Variants in VKORC1L1 observed in about 807,000 individuals in gnomAD.
The protein encoded by VKORC1L1 is vitamin K epoxide reductase complex subunit 1L1.
VKORC1L1 carries 2 observed loss-of-function variants against 18.9 expected under a neutral mutation model. The ratio of observed to expected loss-of-function variants is 0.11; its 90% CI spans 0.04 to 0.33. The LOEUF is 0.33. Ranked by LOEUF, VKORC1L1 falls within the 10% of genes least tolerant of loss-of-function variation. The pLI is 1.00. For synonymous variants in VKORC1L1, 96 were observed against 100.0 expected (o/e 0.96, Z 0.24); for missense variants, 123 against 224.1 (o/e 0.55, Z 2.88).
chr7:65,909,453 A>C (rs921706912), intron 1 of VKORC1L1, among the ~76,000 whole-genome samples: 1 of 152,178 alleles, frequency 6.6e-6, no homozygotes, highest in Non-Finnish European at 1.5e-5. Flanking sequence ...TGTATCCACA[A>C]TAAAGCAAGT....
chr7:65,877,846 C>T (rs1788854704), intron 1 of VKORC1L1, among the ~76,000 whole-genome samples: 1 of 151,968 alleles, frequency 6.6e-6, no homozygotes, highest in African/African-American at 2.4e-5. Flanking sequence ...GGTTTCAGGA[C>T]CCCTGTTTTT....
intron 1 of VKORC1L1, among the ~76,000 whole-genome samples, chr7:65,886,839 G>GTTTTTTTTTTTTTTTTT (rs56234924): frequency 1.7e-5 from 1 of 58,604 alleles, no homozygotes. Context: ...GCCTGTCCGA[G>GTTTTTTTTTTTTTTTTT]TTTTTTTTTT....
At chr7:65,909,608 G>T (rs1195033488) in intron 1 of VKORC1L1, among the ~76,000 whole-genome samples, 1 of 141,720 alleles carries the variant, frequency 7.1e-6, no homozygotes, top group African/African-American at 2.6e-5. Context: ...TTAAATTTCA[G>T]AATGTTCTGT....
At chr7:65,923,652 G>A (rs1448478360) in intron 1 of VKORC1L1, among the ~76,000 whole-genome samples, 5 of 152,082 alleles carry the variant, frequency 3.3e-5, no homozygotes, top group Admixed American at 6.5e-5. Context: ...AAGGAAGGAC[G>A]GTATTTTCCT....
intron 2 of VKORC1L1, among the ~76,000 whole-genome samples, chr7:65,952,254 G>A (rs1790223496): frequency 6.6e-6 from 1 of 152,174 alleles, no homozygotes; most frequent in African/African-American, 2.4e-5. Flanking sequence ...TTCAGTAAAG[G>A]GCCTGGCAGA....
chr7:65,943,639 C>A (rs1193365866), intron 1 of VKORC1L1, among the ~76,000 whole-genome samples: 12 of 151,814 alleles, frequency 7.9e-5, no homozygotes, highest in African/African-American at 2.9e-4. Flanking sequence ...ACTAAAAATG[C>A]AAAAAAATTA....
intron 1 of VKORC1L1, among the ~76,000 whole-genome samples, chr7:65,925,372 A>G (rs35310401): frequency 0.12 from 18,897 of 152,150 alleles, 1,328 homozygotes; most frequent in Middle Eastern, 0.21. Flanking sequence ...TCAGTGCTCT[A>G]AACTGTTACA....
intron 1 of VKORC1L1, among the ~76,000 whole-genome samples, chr7:65,944,147 C>G (rs1253046174): frequency 6.6e-6 from 1 of 151,752 alleles, no homozygotes; most frequent in Non-Finnish European, 1.5e-5. Context: ...GCAGGAGAAT[C>G]ACTTGAATCT....
At chr7:65,915,743 A>G (rs1789578671) in intron 1 of VKORC1L1, among the ~76,000 whole-genome samples, 2 of 151,902 alleles carry the variant, frequency 1.3e-5, no homozygotes, top group South Asian at 4.1e-4. Flanking sequence ...GCCTAAATCA[A>G]CACCTAATTT....
At chr7:65,899,944 G>C (rs1044250885) in intron 1 of VKORC1L1, among the ~76,000 whole-genome samples, 1 of 151,668 alleles carries the variant, frequency 6.6e-6, no homozygotes, top group African/African-American at 2.4e-5. Context: ...AGGTTGCAGT[G>C]ACCCAAGATC....
intron 1 of VKORC1L1, among the ~76,000 whole-genome samples, chr7:65,932,781 G>A (rs372466533): frequency 6.6e-6 from 1 of 152,064 alleles, no homozygotes; most frequent in Non-Finnish European, 1.5e-5. Flanking sequence ...ATGTGTATTT[G>A]TAAGGAATGT....
intron 1 of VKORC1L1, among the ~76,000 whole-genome samples, chr7:65,920,723 C>T (rs1489296404): frequency 1.3e-5 from 2 of 151,558 alleles, no homozygotes; most frequent in African/African-American, 2.4e-5. Context: ...GGGCCAGGCA[C>T]GGTGGTATGC....
chr7:65,875,948 C>T (rs576349509), intron 1 of VKORC1L1, among the ~76,000 whole-genome samples: 2 of 152,212 alleles, frequency 1.3e-5, no homozygotes, highest in Non-Finnish European at 2.9e-5. Context: ...TTTCGCAAGC[C>T]CTGTGTCTTA....
chr7:65,892,109 G>A (rs1404739479), intron 1 of VKORC1L1, among the ~76,000 whole-genome samples: 1 of 152,176 alleles, frequency 6.6e-6, no homozygotes, highest in Admixed American at 6.5e-5. Context: ...TGTTGAAAAT[G>A]ACGGGATTGC....
chr7:65,870,843 C>A (rs1205287173), upstream of VKORC1L1, among the ~76,000 whole-genome samples: 1 of 149,786 alleles, frequency 6.7e-6, no homozygotes, highest in Non-Finnish European at 1.5e-5. Context: ...TGCAGTGGGG[C>A]AACGTTGGCT....
intron 1 of VKORC1L1, among the ~76,000 whole-genome samples, chr7:65,923,412 A>G (rs1433303620): frequency 6.6e-6 from 1 of 152,122 alleles, no homozygotes; most frequent in Non-Finnish European, 1.5e-5. Flanking sequence ...AAAAGAAAAA[A>G]AAAAAGATGA....
chr7:65,876,919 G>A (rs935538560), intron 1 of VKORC1L1, among the ~76,000 whole-genome samples: 1 of 152,192 alleles, frequency 6.6e-6, no homozygotes, highest in Non-Finnish European at 1.5e-5. Context: ...GGTGGCGCAT[G>A]CCTGTATTTC....
At chr7:65,929,680 GTGTATATA>G (rs1189863934) in intron 1 of VKORC1L1, among the ~76,000 whole-genome samples, 2 of 103,772 alleles carry the variant, frequency 1.9e-5, no homozygotes, top group African/African-American at 4.1e-5. Context: ...ATGTGTGTGT[GTGTATATA>G]TATATATATA....
intron 1 of VKORC1L1, among the ~76,000 whole-genome samples, chr7:65,877,625 G>A (rs1788851734): frequency 6.6e-6 from 1 of 152,148 alleles, no homozygotes; most frequent in Non-Finnish European, 1.5e-5. Flanking sequence ...TGAGATTATA[G>A]GCATCAGCCA....
Sources: allele counts gnomAD v4.1 joint callset (sites outside exome capture counted in the v4.1 genomes callset), GRCh38; gene constraint gnomAD v4.1.1; transcripts MANE v1.5; gene names NCBI Gene and HGNC (gene_info 2026-07-23, HGNC 2026-07-21).